Variants in COL26A1 observed in about 807,000 individuals in gnomAD.
COL26A1 encodes collagen type XXVI alpha 1 chain.
COL26A1 carries 41 observed loss-of-function variants against 59.3 expected under a neutral mutation model. That is an observed-to-expected ratio of 0.69 (90% CI 0.54 to 0.90). The LOEUF (loss-of-function observed/expected upper bound fraction) is 0.90. COL26A1 is among the 40% of genes least tolerant of loss of function. The pLI is 0.00. For synonymous variants in COL26A1, 266 were observed against 256.0 expected (o/e 1.04, Z -0.37); for missense variants, 612 against 602.3 (o/e 1.02, Z -0.17).
chr7:101,486,651 A>G (rs1257233399), intron 3 of COL26A1, among the ~76,000 whole-genome samples: 1 of 152,258 alleles, frequency 6.6e-6, no homozygotes, highest in East Asian at 1.9e-4. Flanking sequence ...TCTGTTGTTA[A>G]TCCACATCCC....
At chr7:101,438,012 C>CCCCT (rs1305589665) in intron 2 of COL26A1, among the ~76,000 whole-genome samples, 2 of 151,684 alleles carry the variant, frequency 1.3e-5, no homozygotes, top group Non-Finnish European at 3.0e-5. Context: ...TGTGCCTGGC[C>CCCCT]TTGTCCTGAG....
intron 6 of COL26A1, 116 bp from the exon 7 acceptor site, chr7:101,545,222 G>T: frequency 2.3e-6 from 2 of 888,782 alleles, no homozygotes; most frequent in Non-Finnish European, 3.3e-6. Context: ...ACCACTGACT[G>T]CCTGTGGGCC....
intron 2 of COL26A1, among the ~76,000 whole-genome samples, chr7:101,430,507 T>G (rs1792753880): frequency 6.6e-6 from 1 of 151,638 alleles, no homozygotes; most frequent in East Asian, 1.9e-4. Flanking sequence ...GTCAGGCTGG[T>G]CTTGAACTCT....
Position 101,475,764 on chromosome 7 carries a change from TTC to T in COL26A1, c.385+27981_385+27982del, listed in dbSNP as rs1270639351. Among the ~76,000 whole-genome samples the T allele has an allele frequency of 2.6e-5, 3 of 113,574 alleles. No individual in the cohort carries two copies. In the South Asian group the frequency reaches 7.5e-4, roughly 28 times the overall value. 74.5% of individuals were successfully genotyped at this position (113,574 alleles called of 152,430 possible). A position where few individuals can be genotyped will look rare whatever the true frequency, so the allele number is the denominator to read the frequency against. Reference sequence around the variant, plus strand: ...CCTTCCTTCCTTCCTTTTTCTTTCTTTCTCTTTCTTTCTTTCTTTCTTTCCTT... The same window carrying T: ...CCTTCCTTCCTTCCTTTTTCTTTCTTTCTTTCTTTCTTTCTTTCTTTCCTT... On this transcript the variant is annotated intron_variant, in intron 3 of 12. Transcript: ENST00000313669.
At chr7:101,476,142 TTGTGTGTGTG>T (rs56666965) in intron 3 of COL26A1, among the ~76,000 whole-genome samples, 11 of 146,342 alleles carry the variant, frequency 7.5e-5, no homozygotes, top group Admixed American at 4.8e-4. Context: ...TCCCAGCTAA[TTGTGTGTGTG>T]TGTGTGTGTG....
At chr7:101,514,126 A>G (rs1794981348) in intron 3 of COL26A1, among the ~76,000 whole-genome samples, 1 of 152,136 alleles carries the variant, frequency 6.6e-6, no homozygotes, top group Non-Finnish European at 1.5e-5. Flanking sequence ...ATTTGAGGTC[A>G]GGAGTTCAAG....
rs538204082 is a variant in COL26A1, at chr7:101,364,596, G to T, written c.158+1406G>T. Among the ~76,000 whole-genome samples, 76 of 149,446 alleles carry T rather than the reference G, an allele frequency of 5.1e-4. No individual in the cohort carries two copies. In the South Asian group the frequency reaches 5.9e-3, roughly 12 times the overall value. ...TCTTTTTTTTTTTTTTTTAATATAG[G>T]GTCTTGCTTGCTCCCCAGGCTGGAA... On this transcript the variant is annotated intron_variant, in intron 1 of 12. Transcript: ENST00000313669.
At chr7:101,371,040 C>T (rs755678477) in intron 1 of COL26A1, among the ~76,000 whole-genome samples, 3 of 152,202 alleles carry the variant, frequency 2.0e-5, no homozygotes, top group South Asian at 4.1e-4. Flanking sequence ...TCTGAGCAGC[C>T]GTCCTTGGGC....
At chr7:101,501,979 C>G (rs554688055) in intron 3 of COL26A1, among the ~76,000 whole-genome samples, 1 of 152,172 alleles carries the variant, frequency 6.6e-6, no homozygotes, top group East Asian at 1.9e-4. Flanking sequence ...CCGGATTCAC[C>G]AGACACCTCC....
In COL26A1 at chr7:101,547,175, C is replaced by T. The variant is rs771212372; in HGVS notation, c.876C>T (p.Ala292=). Residue 292 remains alanine (A), a synonymous_variant, in exon 8 of 13, where the codon GCC becomes GCT. Coordinates refer to ENST00000313669, the MANE Select transcript of COL26A1 (RefSeq NM_001278563.3). ...CCACAGATGGAGACTCAAGGCTGGC[C>T]TCTGCCATCGTGGACACAGTGCTGG... ...TDKDNGDSRL[A]SAIVDTVLAG... 115 of 1,597,680 alleles carry T rather than the reference C, an allele frequency of 7.2e-5. 1 individual carries two copies. The highest frequency in any genetic ancestry group is 5.2e-5 in the Admixed American group (3 of 58,216).
At chr7:101,404,792 C>T (rs562046643) in intron 1 of COL26A1, among the ~76,000 whole-genome samples, 6 of 150,860 alleles carry the variant, frequency 4.0e-5, no homozygotes, top group Non-Finnish European at 5.9e-5. Context: ...GTTCCAGCTA[C>T]GCAGGAGGCT....
At chr7:101,489,822 CTT>C (rs1210264050) in intron 3 of COL26A1, among the ~76,000 whole-genome samples, 5 of 7,046 alleles carry the variant, frequency 7.1e-4, no homozygotes, top group Admixed American at 4.4e-3. Context: ...TTCTTTCTTT[CTT>C]TCTTTCTTTC....
At chr7:101,499,476 G>A (rs958211954) in intron 3 of COL26A1, among the ~76,000 whole-genome samples, 1 of 152,150 alleles carries the variant, frequency 6.6e-6, no homozygotes, top group African/African-American at 2.4e-5. Context: ...TGAAGGTCAG[G>A]AGTTCGAGAC....
intron 3 of COL26A1, among the ~76,000 whole-genome samples, chr7:101,460,608 T>A (rs1441184867): frequency 6.6e-6 from 1 of 151,694 alleles, no homozygotes; most frequent in African/African-American, 2.4e-5. Context: ...TGGTGAAAAA[T>A]TGTCTCTACT....
chr7:101,555,749 A>G (rs970400264), intron 11 of COL26A1, 38 bp from the exon 12 acceptor site: 8 of 1,547,362 alleles, frequency 5.2e-6, no homozygotes, highest in African/African-American at 1.4e-5. Context: ...CCCCTTCCTC[A>G]TGGCCGGCCC....
At chr7:101,483,349 C>G (rs1794196019) in intron 3 of COL26A1, among the ~76,000 whole-genome samples, 1 of 151,742 alleles carries the variant, frequency 6.6e-6, no homozygotes, top group African/African-American at 2.4e-5. Flanking sequence ...AGGCACATGC[C>G]ACCGTACTCG....
intron 1 of COL26A1, among the ~76,000 whole-genome samples, chr7:101,419,094 C>CCCTCCCCTCTTCTCCCTTCCTCT (rs1792448283): frequency 8.0e-6 from 1 of 125,312 alleles, no homozygotes; most frequent in Non-Finnish European, 1.7e-5. Flanking sequence ...CCCTCCCCTC[C>CCCTCCCCTCTTCTCCCTTCCTCT]CCTCCCCTCC....
intron 10 of COL26A1, among the ~76,000 whole-genome samples, chr7:101,551,713 T>G (rs1795865263): frequency 6.6e-6 from 1 of 150,804 alleles, no homozygotes; most frequent in African/African-American, 2.4e-5. Context: ...GCCACTGCAC[T>G]GCAGCCTGGG....
chr7:101,447,132 G>A (rs1793216413), intron 2 of COL26A1, among the ~76,000 whole-genome samples: 1 of 152,172 alleles, frequency 6.6e-6, no homozygotes. Flanking sequence ...GGTATCAGCT[G>A]ATCCATCGAG....
Sources: gnomAD v4.1 joint callset for allele counts (sites outside exome capture counted in the v4.1 genomes callset) on GRCh38, gnomAD v4.1.1 for gene constraint, MANE v1.5 for transcripts, NCBI Gene and HGNC (gene_info 2026-07-23, HGNC 2026-07-21) for gene names.